SKAP2: variants seen among roughly 807,000 people sequenced by gnomAD.
The protein encoded by SKAP2 is src kinase associated phosphoprotein 2, also known as src kinase-associated phosphoprotein 2.
In SKAP2, 28 loss-of-function variants were observed where a neutral mutation model predicts 54.9. The observed-to-expected ratio is 0.51, with a 90% confidence interval of 0.38 to 0.70. SKAP2 has a LOEUF of 0.70. SKAP2 is among the 30% of genes least tolerant of loss of function. SKAP2 has a pLI of 0.00. For synonymous variants in SKAP2, 137 were observed against 134.3 expected (o/e 1.02, Z -0.14); for missense variants, 356 against 424.1 (o/e 0.84, Z 1.41).
In SKAP2 at chr7:26,746,277, CTTTAT is replaced by C. The variant is rs1483098558; in HGVS notation, c.308-6318_308-6314del. 1.5e-4 allele frequency among the ~76,000 whole-genome samples: 23 copies of C among 152,284 alleles called. No individual in the cohort carries two copies. The East Asian group carries it at 3.9e-3, about 26-fold the overall frequency. Reference sequence around the variant, plus strand: ...ACAAGTGCAGTTTAATTACACTTTACTTTATAATTGCACACATAAACTTAGAAGCT... The same window carrying C: ...ACAAGTGCAGTTTAATTACACTTTACAATTGCACACATAAACTTAGAAGCT... On this transcript the variant is annotated intron_variant, in intron 4 of 12. Coordinates refer to ENST00000345317, the MANE Select transcript of SKAP2 (RefSeq NM_003930.5).
intron 4 of SKAP2, among the ~76,000 whole-genome samples, chr7:26,807,575 T>C (rs1784056460): frequency 6.6e-6 from 1 of 152,210 alleles, no homozygotes; most frequent in Non-Finnish European, 1.5e-5. Context: ...TTACCCTGTC[T>C]CAGGTAGTTC....
intron 4 of SKAP2, among the ~76,000 whole-genome samples, chr7:26,801,957 C>A (rs1006920375): frequency 6.6e-6 from 1 of 151,894 alleles, no homozygotes; most frequent in African/African-American, 2.4e-5. Context: ...CAATGCAATC[C>A]CTATCAAAAT....
chr7:26,834,202 G>C (rs2127993217), intron 4 of SKAP2, among the ~76,000 whole-genome samples: 2 of 152,276 alleles, frequency 1.3e-5, no homozygotes, highest in South Asian at 4.1e-4. Context: ...GCAGTGTTTA[G>C]AGGAAATTTA....
intron 9 of SKAP2, among the ~76,000 whole-genome samples, chr7:26,720,582 C>T (rs1276455251): frequency 6.6e-6 from 1 of 152,098 alleles, no homozygotes; most frequent in African/African-American, 2.4e-5. Context: ...CTAATAAAGA[C>T]ATACCCAAGA....
chr7:26,854,108 T>C, intron 3 of SKAP2, 29 bp downstream of exon 3: 1 of 1,533,468 alleles, frequency 6.5e-7, no homozygotes, highest in Non-Finnish European at 8.9e-7. Flanking sequence ...GGAAAAAAAT[T>C]TTCAAGTTTG....
intron 4 of SKAP2, among the ~76,000 whole-genome samples, chr7:26,790,840 T>C (rs1783658572): frequency 6.6e-6 from 1 of 152,174 alleles, no homozygotes; most frequent in South Asian, 2.1e-4. Context: ...CTTAAAATTA[T>C]TACTAAATAC....
chr7:26,758,252 C>G (rs984489532), intron 4 of SKAP2, among the ~76,000 whole-genome samples: 1 of 149,124 alleles, frequency 6.7e-6, no homozygotes. Flanking sequence ...TAAGCATGTA[C>G]TATACATTTA....
At chr7:26,684,687 G>A (rs750135449) in intron 11 of SKAP2, 49 bp downstream of exon 11, 49 of 1,141,878 alleles carry the variant, frequency 4.3e-5, no homozygotes, top group Middle Eastern at 2.0e-4. Context: ...ATTAAAAATC[G>A]AGCTTTGTAT....
intron 6 of SKAP2, among the ~76,000 whole-genome samples, chr7:26,735,231 G>T (rs1403257228): frequency 6.6e-6 from 1 of 152,038 alleles, no homozygotes; most frequent in Non-Finnish European, 1.5e-5. Context: ...TTTAGAAAAA[G>T]AATGAGTAAG....
chr7:26,736,159 T>C (rs1362600947), intron 6 of SKAP2, among the ~76,000 whole-genome samples: 1 of 152,194 alleles, frequency 6.6e-6, no homozygotes, highest in African/African-American at 2.4e-5. Flanking sequence ...CTATGGGGGC[T>C]GCATTCCCAG....
the SKAP2 span, among the ~76,000 whole-genome samples, chr7:26,657,774 C>G: frequency 1.5e-5 from 2 of 136,220 alleles, no homozygotes; most frequent in African/African-American, 5.5e-5. Context: ...ACACACTTTG[C>G]CATTTTTGAT....
intron 4 of SKAP2, among the ~76,000 whole-genome samples, chr7:26,798,717 A>G (rs1411602496): frequency 6.6e-6 from 1 of 152,206 alleles, no homozygotes; most frequent in Non-Finnish European, 1.5e-5. Context: ...GACACAGTCA[A>G]TACAATAAGA....
intron 9 of SKAP2, among the ~76,000 whole-genome samples, chr7:26,716,881 T>G (rs1787458200): frequency 6.6e-6 from 1 of 152,210 alleles, no homozygotes; most frequent in Non-Finnish European, 1.5e-5. Context: ...ACTTTTAAAT[T>G]ATTGCCTAAA....
At chr7:26,807,936 C>T (rs1166469687) in intron 4 of SKAP2, among the ~76,000 whole-genome samples, 1 of 152,118 alleles carries the variant, frequency 6.6e-6, no homozygotes, top group African/African-American at 2.4e-5. Flanking sequence ...AGACATAATA[C>T]TAATTGCACA....
At chr7:26,711,084 G>T (rs1386413531) in intron 9 of SKAP2, among the ~76,000 whole-genome samples, 3 of 152,136 alleles carry the variant, frequency 2.0e-5, no homozygotes, top group Non-Finnish European at 4.4e-5. Flanking sequence ...ACCTGAGCAG[G>T]TTTAACGAAA....
chr7:26,684,881 G>T (rs2127937141), intron 10 of SKAP2, 33 bp from the exon 11 acceptor site: 2 of 1,265,824 alleles, frequency 1.6e-6, no homozygotes, highest in Non-Finnish European at 2.3e-6. Flanking sequence ...ATGAATTAGG[G>T]CCTTCATGTA....
chr7:26,742,631 G>T (rs910649313), intron 4 of SKAP2, among the ~76,000 whole-genome samples: 7 of 151,846 alleles, frequency 4.6e-5, no homozygotes, highest in Non-Finnish European at 8.8e-5. Flanking sequence ...TGGGGAGTGG[G>T]GGAGTACATT....
At chr7:26,794,358 T>C (rs960477155) in intron 4 of SKAP2, among the ~76,000 whole-genome samples, 4 of 152,202 alleles carry the variant, frequency 2.6e-5, no homozygotes, top group East Asian at 1.9e-4. Context: ...ATGGCAGATA[T>C]ACCTGAATGT....
At chr7:26,822,464 T>G (rs1784401687) in intron 4 of SKAP2, among the ~76,000 whole-genome samples, 1 of 152,180 alleles carries the variant, frequency 6.6e-6, no homozygotes, top group Non-Finnish European at 1.5e-5. Flanking sequence ...CAGCAAACTT[T>G]AATAATAAAT....
Sources: allele counts gnomAD v4.1 joint callset (sites outside exome capture counted in the v4.1 genomes callset), GRCh38; gene constraint gnomAD v4.1.1; transcripts MANE v1.5; gene names NCBI Gene and HGNC (gene_info 2026-07-23, HGNC 2026-07-21).